NALF1: variants seen among roughly 807,000 people sequenced by gnomAD.
NALF1 encodes the protein NALCN channel auxiliary factor 1.
Under a neutral mutation model 48.4 loss-of-function variants are expected in NALF1, and 3 were observed. The ratio of observed to expected loss-of-function variants is 0.06; its 90% CI spans 0.03 to 0.16. The LOEUF is 0.16. Among genes scored for constraint, NALF1 ranks in the 10% least tolerant of loss-of-function variants. NALF1 has a pLI of 1.00. For missense variants in NALF1, 526 were observed against 571.5 expected (o/e 0.92, Z 0.81); for synonymous variants, 262 against 245.7 (o/e 1.07, Z -0.62).
At chr13:107,406,732 T>C (rs886686087) in intron 1 of NALF1, among the ~76,000 whole-genome samples, 1 of 151,730 alleles carries the variant, frequency 6.6e-6, no homozygotes, top group Non-Finnish European at 1.5e-5. Context: ...TAGAGATTAA[T>C]AGAATGCCAT....
chr13:107,800,636 TA>T (rs1021404636), intron 1 of NALF1, among the ~76,000 whole-genome samples: 8 of 146,826 alleles, frequency 5.4e-5, no homozygotes. Context: ...AATTATATAA[TA>T]CATATAAGAT....
chr13:107,365,513 G>A (rs1283914562), intron 1 of NALF1, among the ~76,000 whole-genome samples: 1 of 152,214 alleles, frequency 6.6e-6, no homozygotes, highest in Admixed American at 6.5e-5. Context: ...ATGGAAAAAC[G>A]TGCAGAAGCA....
At chr13:107,596,245 T>C (rs1354530213) in intron 1 of NALF1, among the ~76,000 whole-genome samples, 1 of 152,166 alleles carries the variant, frequency 6.6e-6, no homozygotes, top group East Asian at 1.9e-4. Context: ...AGTTCAGCCA[T>C]TGTGAAAGAC....
intron 1 of NALF1, among the ~76,000 whole-genome samples, chr13:107,560,717 C>A (rs753252709): frequency 2.6e-5 from 4 of 152,026 alleles, no homozygotes; most frequent in Non-Finnish European, 5.9e-5. Context: ...AATCTATGCT[C>A]CCCCACTGGT....
intron 1 of NALF1, among the ~76,000 whole-genome samples, chr13:107,280,452 A>T (rs1013239577): frequency 1.3e-5 from 2 of 152,346 alleles, no homozygotes; most frequent in African/African-American, 4.8e-5. Context: ...TCAGGTTTTC[A>T]TCAAACACTC....
intron 1 of NALF1, among the ~76,000 whole-genome samples, chr13:107,420,260 G>C (rs77405501): frequency 0.016 from 2,459 of 152,220 alleles, 30 homozygotes; most frequent in South Asian, 0.029. Flanking sequence ...AAAGAGGAAG[G>C]TAATCATCAA....
intron 1 of NALF1, among the ~76,000 whole-genome samples, chr13:107,238,857 G>T (rs1386169690): frequency 6.6e-6 from 1 of 152,138 alleles, no homozygotes; most frequent in African/African-American, 2.4e-5. Context: ...TTGAAGAGGA[G>T]TCACAGAATA....
At chr13:107,178,091 A>T (rs375490203) in intron 2 of NALF1, among the ~76,000 whole-genome samples, 17 of 152,154 alleles carry the variant, frequency 1.1e-4, no homozygotes, top group African/African-American at 4.1e-4. Context: ...ATCTCAAACT[A>T]CGAAATTACT....
intron 1 of NALF1, among the ~76,000 whole-genome samples, chr13:107,647,464 A>G (rs1282875333): frequency 7.3e-6 from 1 of 137,176 alleles, no homozygotes; most frequent in Non-Finnish European, 1.6e-5. Context: ...TGTTTTATCG[A>G]AAAAAAAAAA....
intron 1 of NALF1, among the ~76,000 whole-genome samples, chr13:107,496,090 C>T (rs1248028301): frequency 6.6e-6 from 1 of 152,040 alleles, no homozygotes; most frequent in African/African-American, 2.4e-5. Context: ...AATGGGCAAA[C>T]AAGCTAAACT....
intron 1 of NALF1, among the ~76,000 whole-genome samples, chr13:107,357,562 C>G (rs1233590715): frequency 6.6e-6 from 1 of 152,074 alleles, no homozygotes; most frequent in African/African-American, 2.4e-5. Flanking sequence ...AGCAGGTCTT[C>G]AGAGAGAGAG....
intron 1 of NALF1, among the ~76,000 whole-genome samples, chr13:107,706,831 C>G (rs997266683): frequency 2.0e-5 from 3 of 151,396 alleles, no homozygotes; most frequent in Non-Finnish European, 4.4e-5. Context: ...ATAATTCTAA[C>G]TTCATTCATA....
intron 1 of NALF1, among the ~76,000 whole-genome samples, chr13:107,325,766 G>C (rs1353875760): frequency 6.7e-6 from 1 of 149,050 alleles, no homozygotes; most frequent in Non-Finnish European, 1.5e-5. Flanking sequence ...GCTTGAACCT[G>C]GTAGGCGGAA....
intron 1 of NALF1, among the ~76,000 whole-genome samples, chr13:107,787,599 T>C (rs1160503932): frequency 1.3e-5 from 2 of 152,238 alleles, no homozygotes; most frequent in South Asian, 2.1e-4. Context: ...GAGAATGGAA[T>C]TGAGAGCTAC....
intron 1 of NALF1, among the ~76,000 whole-genome samples, chr13:107,746,558 T>C (rs1876786375): frequency 2.0e-5 from 3 of 152,222 alleles, no homozygotes; most frequent in South Asian, 4.1e-4. Context: ...TATATTAGCA[T>C]ATAATCTGTA....
intron 1 of NALF1, among the ~76,000 whole-genome samples, chr13:107,858,311 T>C (rs1317386091): frequency 6.6e-6 from 1 of 152,230 alleles, no homozygotes; most frequent in Non-Finnish European, 1.5e-5. Context: ...TATAATAATG[T>C]CTTAATTCTT....
intron 1 of NALF1, among the ~76,000 whole-genome samples, chr13:107,758,496 C>A (rs886902421): frequency 1.3e-5 from 2 of 151,982 alleles, no homozygotes; most frequent in South Asian, 2.1e-4. Flanking sequence ...CTGAGGCGGG[C>A]GGATCATGAG....
rs537015198 is a variant in NALF1, at chr13:107,680,242, T to G, written c.915+185440A>C. On this transcript the variant is annotated intron_variant, in intron 1 of 2. Transcript: ENST00000375915. ...CCATTTGACTTCCACAGAGAGGAAC[T>G]GTTCTCTCTGTACAGATGCCAACCA... 1.2e-4 allele frequency among the ~76,000 whole-genome samples: 18 copies of G among 152,332 alleles called. No homozygotes were observed. The South Asian group carries it at 2.1e-3, about 18-fold the overall frequency.
intron 1 of NALF1, among the ~76,000 whole-genome samples, chr13:107,830,321 T>C (rs1879678779): frequency 6.6e-6 from 1 of 152,232 alleles, no homozygotes; most frequent in Admixed American, 6.5e-5. Flanking sequence ...AAGGTAATTA[T>C]CTATGTATAA....
Sources: allele counts gnomAD v4.1 joint callset (sites outside exome capture counted in the v4.1 genomes callset), GRCh38; gene constraint gnomAD v4.1.1; transcripts MANE v1.5; gene names NCBI Gene and HGNC (gene_info 2026-07-23, HGNC 2026-07-21).